ZBTB38: variants seen among roughly 807,000 people sequenced by gnomAD.
ZBTB38 encodes zinc finger and BTB domain containing 38, also known as zinc finger and BTB domain-containing protein 38.
ZBTB38 carries 20 observed loss-of-function variants against 76.8 expected under a neutral mutation model. That is an observed-to-expected ratio of 0.26 (90% CI 0.18 to 0.38). The LOEUF is 0.38. Among genes scored for constraint, ZBTB38 ranks in the 10% least tolerant of loss-of-function variants. The probability of loss-of-function intolerance (pLI) is 1.00; values close to 1 mark genes in which losing one functional copy is unlikely to be tolerated. For missense variants in ZBTB38, 1,082 were observed against 1,482.3 expected, an observed-to-expected ratio of 0.73 and a Z score of 4.43; for synonymous variants, 504 against 544.2, an observed-to-expected ratio of 0.93 and a Z score of 1.03.
intron 1 of ZBTB38, among the ~76,000 whole-genome samples, chr3:141,335,031 A>G (rs142573408): frequency 1.5e-3 from 227 of 152,280 alleles, no homozygotes; most frequent in African/African-American, 4.9e-3. Flanking sequence ...CATGTCTGAC[A>G]CTACCGCCTC....
At chr3:141,426,122 C>T (rs1201902707) in intron 5 of ZBTB38, 2 of 1,289,170 alleles carry the variant, frequency 1.6e-6, no homozygotes, top group Non-Finnish European at 2.0e-6. Context: ...AAGCAGTTCT[C>T]AGACAGGCTG....
chr3:141,434,686 T>C (rs528655526), intron 5 of ZBTB38, among the ~76,000 whole-genome samples: 141 of 152,298 alleles, frequency 9.3e-4, no homozygotes, highest in African/African-American at 3.3e-3. Context: ...GCTAATTTAC[T>C]AGAATTTCCC....
At position 141,413,497 on chromosome 3, in the gene ZBTB38, T is replaced by C. The variant is rs989229519; in HGVS notation, c.-1+9466T>C. Among the ~76,000 whole-genome samples, 2 of 152,196 alleles carry C rather than the reference T, an allele frequency of 1.3e-5. No homozygotes were observed. The highest frequency in any genetic ancestry group is 1.3e-4 in the Admixed American group (2 of 15,286). On this transcript the variant is annotated intron_variant, in intron 5 of 5. Transcript: ENST00000321464. The surrounding 1 kb of genome is among the most constrained non-coding windows in gnomAD (Gnocchi z 4.1). ...TTTTGAATACCTGACAGCTGGATGG[T>C]CCAGGCCCTATTTCTATGATCTGTT...
intron 5 of ZBTB38, among the ~76,000 whole-genome samples, chr3:141,441,555 C>T (rs1182289182): frequency 2.0e-5 from 3 of 152,162 alleles, no homozygotes; most frequent in African/African-American, 7.2e-5. Context: ...CGCAGAGAGG[C>T]GGGGGTGCCC....
intron 1 of ZBTB38, among the ~76,000 whole-genome samples, chr3:141,361,020 TCCA>T (rs1241780270): frequency 2.6e-5 from 4 of 152,150 alleles, no homozygotes; most frequent in African/African-American, 9.7e-5. Flanking sequence ...GCTATTTTCC[TCCA>T]GAGCCACTAG....
intron 4 of ZBTB38, among the ~76,000 whole-genome samples, chr3:141,396,051 C>T (rs1046661373): frequency 2.0e-5 from 3 of 152,044 alleles, no homozygotes; most frequent in East Asian, 1.9e-4. Flanking sequence ...GTTGGGGTGG[C>T]GATTTCTTAA....
At chr3:141,355,944 C>G (rs956945782) in intron 1 of ZBTB38, among the ~76,000 whole-genome samples, 1 of 152,150 alleles carries the variant, frequency 6.6e-6, no homozygotes, top group Non-Finnish European at 1.5e-5. Context: ...ACACAAAATT[C>G]AAAGCTAAGA....
intron 2 of ZBTB38, among the ~76,000 whole-genome samples, chr3:141,379,932 A>G (rs1417292063): frequency 6.6e-6 from 1 of 152,218 alleles, no homozygotes; most frequent in Non-Finnish European, 1.5e-5. Flanking sequence ...GTAGTATGAT[A>G]TTTTCATCTG....
At chr3:141,390,733 A>G (rs1250870694) in intron 4 of ZBTB38, among the ~76,000 whole-genome samples, 1 of 152,246 alleles carries the variant, frequency 6.6e-6, no homozygotes, top group Non-Finnish European at 1.5e-5. Context: ...CAGTCAACAC[A>G]TTTATTGAGC....
At chr3:141,348,856 A>G (rs140150372) in intron 1 of ZBTB38, among the ~76,000 whole-genome samples, 1 of 152,360 alleles carries the variant, frequency 6.6e-6, no homozygotes, top group African/African-American at 2.4e-5. Flanking sequence ...CTCCCGGCAG[A>G]GAAGCAATTT....
At chr3:141,410,967 C>T (rs1956424618) in intron 5 of ZBTB38, among the ~76,000 whole-genome samples, 1 of 152,160 alleles carries the variant, frequency 6.6e-6, no homozygotes, top group African/African-American at 2.4e-5. Context: ...ATTATTTCAG[C>T]AACCCGTGAA....
chr3:141,426,291 A>C, intron 5 of ZBTB38: 2 of 815,986 alleles, frequency 2.5e-6, no homozygotes, highest in Non-Finnish European at 3.5e-6. Context: ...ACCCTGGCTC[A>C]GTGTCAGTGA....
chr3:141,397,231 G>C (rs1356641033), intron 4 of ZBTB38, among the ~76,000 whole-genome samples: 1 of 152,220 alleles, frequency 6.6e-6, no homozygotes, highest in Non-Finnish European at 1.5e-5. Context: ...TATGGAGACA[G>C]CTTCTTTTTC....
At chr3:141,430,681 G>A (rs1452939433) in intron 5 of ZBTB38, among the ~76,000 whole-genome samples, 1 of 152,190 alleles carries the variant, frequency 6.6e-6, no homozygotes, top group African/African-American at 2.4e-5. Flanking sequence ...GTGCAGTGGG[G>A]GAGGCGGATT....
chr3:141,344,766 G>A (rs1034536052), intron 1 of ZBTB38, among the ~76,000 whole-genome samples: 1 of 152,212 alleles, frequency 6.6e-6, no homozygotes, highest in Non-Finnish European at 1.5e-5. Context: ...AAGGTCCTCT[G>A]CTTTTAAGGA....
upstream of ZBTB38, chr3:141,366,778 T>C (rs1226459793): frequency 6.6e-6 from 1 of 152,166 alleles, no homozygotes; most frequent in Non-Finnish European, 1.5e-5. Flanking sequence ...GGCTGGAAAT[T>C]CCTGGTTTTG....
intron 5 of ZBTB38, among the ~76,000 whole-genome samples, chr3:141,437,581 A>G (rs2079086683): frequency 6.6e-6 from 1 of 152,226 alleles, no homozygotes; most frequent in African/African-American, 2.4e-5. Context: ...CTCCTCTGGA[A>G]CAAGGTGGGA....
chr3:141,353,309 T>TC (rs989105195), intron 1 of ZBTB38, among the ~76,000 whole-genome samples: 3 of 151,956 alleles, frequency 2.0e-5, no homozygotes, highest in Admixed American at 1.3e-4. Context: ...TTCTGGCCCT[T>TC]CCCCCTGAGG....
chr3:141,335,460 G>C (rs1942986904), intron 1 of ZBTB38, among the ~76,000 whole-genome samples: 2 of 152,352 alleles, frequency 1.3e-5, no homozygotes, highest in South Asian at 2.1e-4. Context: ...CCTGGGCTTA[G>C]ATGGCTGGAA....
Sources: gnomAD v4.1 joint callset for allele counts (sites outside exome capture counted in the v4.1 genomes callset) on GRCh38, gnomAD v4.1.1 for gene constraint, Gnocchi (gnomAD v3.1) non-coding constraint, MANE v1.5 for transcripts, NCBI Gene and HGNC (gene_info 2026-07-23, HGNC 2026-07-21) for gene names.